Variants in CRK observed in about 807,000 individuals in gnomAD.
The protein encoded by CRK is CRK proto-oncogene, adaptor protein.
CRK carries 4 observed loss-of-function variants against 29.8 expected under a neutral mutation model. The observed-to-expected ratio is 0.13, with a 90% CI of 0.07 to 0.31. The LOEUF (loss-of-function observed/expected upper bound fraction) is 0.31, where lower values mean the gene tolerates loss of function less well. Ranked by LOEUF, CRK falls within the 10% of genes least tolerant of loss-of-function variation. The pLI is 1.00. For synonymous variants in CRK, 153 were observed against 164.9 expected, an observed-to-expected ratio of 0.93 and a Z score of 0.55; for missense variants, 274 against 396.5, an observed-to-expected ratio of 0.69 and a Z score of 2.62.
At chr17:1,455,082 C>A (rs1233856009) in intron 1 of CRK, among the ~76,000 whole-genome samples, 2 of 152,124 alleles carry the variant, frequency 1.3e-5, no homozygotes, top group African/African-American at 4.8e-5. Context: ...GGGTCTGTTT[C>A]CATTGCCTCA....
intron 2 of CRK, chr17:1,426,318 G>A (rs112709607): frequency 0.017 from 2,543 of 152,604 alleles, 73 homozygotes; most frequent in African/African-American, 0.058. Flanking sequence ...AAGTGTGGAG[G>A]AAGGGGAGGA....
At chr17:1,449,555 T>C (rs1032046867) in intron 1 of CRK, among the ~76,000 whole-genome samples, 4 of 152,102 alleles carry the variant, frequency 2.6e-5, no homozygotes, top group African/African-American at 9.7e-5. Flanking sequence ...TTGCCCAAAG[T>C]TACACAAGCA....
At chr17:1,455,381 C>T (rs1024501180) in intron 1 of CRK, among the ~76,000 whole-genome samples, 2 of 152,178 alleles carry the variant, frequency 1.3e-5, no homozygotes, top group African/African-American at 4.8e-5. Flanking sequence ...GTCTCCATCC[C>T]TCCCGGCCAG....
rs745373872 is a variant in CRK at position 1,446,328 on chromosome 17, A to G, written c.242-9173T>C. On this transcript the variant is annotated intron_variant, in intron 1 of 2. Transcript: ENST00000300574. ...GAGATACAACAGAATCGCCATGAGC[A>G]ACTACGACCATCTGTGAACACTTCC... is the stretch of plus-strand genomic sequence containing the variant. 4.1e-4 allele frequency among the ~76,000 whole-genome samples: 62 copies of G among 152,144 alleles called. 1 individual carries two copies. The highest frequency in any genetic ancestry group is 2.8e-4 in the Non-Finnish European group (19 of 68,028).
intron 2 of CRK, among the ~76,000 whole-genome samples, chr17:1,432,982 G>C (rs2073858150): frequency 6.6e-6 from 1 of 152,134 alleles, no homozygotes. Context: ...GTATCATGGA[G>C]TCATTCATAA....
chr17:1,435,013 CATG>C (rs948530226), intron 2 of CRK, among the ~76,000 whole-genome samples: 15 of 152,122 alleles, frequency 9.9e-5, no homozygotes, highest in African/African-American at 2.9e-4. Flanking sequence ...GCAAAATTCA[CATG>C]ATAACTGGTT....
Position 1,455,878 on chromosome 17 carries a change from G to C in CRK, c.240C>G (p.Pro80=). ...PVPPSPAQPP[P]GVSPSRLRIG... is the part of the protein sequence containing the mutation. ...CCCGCCGTCCCGTCAGTCCCTCACC[G>C]GGCGGAGGCTGGGCGGGCGACGGTG... Residue 80 remains proline, a splice_region_variant and synonymous_variant, in exon 1 of 3, where the codon CCC becomes CCG. Transcript: ENST00000300574. 1 of 1,581,152 alleles carries C rather than the reference G, an allele frequency of 6.3e-7. No individual in the cohort carries two copies. Among genetic ancestry groups the C allele is most frequent in the South Asian group, 1.1e-5 (1 of 87,920 alleles).
intron 1 of CRK, among the ~76,000 whole-genome samples, chr17:1,447,742 G>A (rs1216696693): frequency 3.3e-5 from 5 of 150,490 alleles, no homozygotes; most frequent in African/African-American, 9.8e-5. Context: ...TTAGCCTCTC[G>A]AGTAGCTGGG....
At chr17:1,430,797 G>A (rs545166159) in intron 2 of CRK, among the ~76,000 whole-genome samples, 4 of 152,050 alleles carry the variant, frequency 2.6e-5, no homozygotes, top group Admixed American at 1.3e-4. Context: ...GCCGGGCGCT[G>A]TGGCTCATGC....
chr17:1,448,587 C>T (rs1288498268), intron 1 of CRK, among the ~76,000 whole-genome samples: 2 of 136,250 alleles, frequency 1.5e-5, no homozygotes, highest in Admixed American at 7.9e-5. Context: ...TATGCCATTG[C>T]ACTCCAGCCT....
chr17:1,454,236 T>A (rs1002224823), intron 1 of CRK, among the ~76,000 whole-genome samples: 28 of 150,276 alleles, frequency 1.9e-4, no homozygotes, highest in African/African-American at 6.4e-4. Context: ...ATAAGAAAAA[T>A]TTTAAAAAAA....
chr17:1,456,205 G>C lies in CRK; in HGVS notation c.-88C>G. The C allele has an allele frequency of 5.2e-6, 7 of 1,340,872 alleles. No homozygotes were observed. Among genetic ancestry groups the C allele is most frequent in the East Asian group, 3.2e-5 (1 of 31,500 alleles). The allele number at this position is 1,340,872 out of a possible 1,614,324, so 83.1% of individuals were successfully genotyped here. On this transcript the variant is annotated 5_prime_UTR_variant, in exon 1 of 3. Transcript: ENST00000300574. ...CCCGCCGCCCAGCGGACCGGCTCCG[G>C]TTTCAGCTTCACAGCAGCGCCCGAA...
chr17:1,442,111 C>T (rs2073939878), intron 1 of CRK, among the ~76,000 whole-genome samples: 1 of 151,348 alleles, frequency 6.6e-6, no homozygotes, highest in Non-Finnish European at 1.5e-5. Flanking sequence ...CTTGCCTCTG[C>T]CTCCGAAAGT....
rs750275222 is a variant in CRK at position 1,456,168 on chromosome 17, C to G, written c.-51G>C. On this transcript the variant is annotated 5_prime_UTR_variant, in exon 1 of 3. Transcript: ENST00000300574. ...GGTGCCGCCGCCGCGCGCGCCCCTC[C>G]GGCCCCCGGCGCCCGCCGCCCAGCG... 3.6e-6 allele frequency: 5 copies of G among 1,392,076 alleles called. No individual in the cohort carries two copies. The South Asian group carries it at 8.4e-5, about 23-fold the overall frequency. The allele number at this position is 1,392,076 out of a possible 1,614,324, so 86.2% of individuals were successfully genotyped here.
chr17:1,443,999 C>T (rs1166700826), intron 1 of CRK, among the ~76,000 whole-genome samples: 1 of 151,770 alleles, frequency 6.6e-6, no homozygotes, highest in South Asian at 2.1e-4. Context: ...CCCGCCTGGC[C>T]TATTTTTTTT....
In CRK at chr17:1,436,640, T is replaced by G. The variant is rs752999684; in HGVS notation, c.757A>C (p.Lys253Gln). 2 of 1,607,168 alleles carry G rather than the reference T, an allele frequency of 1.2e-6. No individual in the cohort carries two copies. Among genetic ancestry groups the G allele is most frequent in the East Asian group, 2.2e-5 (1 of 44,832 alleles). The change falls in exon 2 of 3, where the codon AAG (lysine) becomes CAG (glutamine). Residue 253 changes from lysine to glutamine, a missense_variant. This residue lies in a region of CRK where 121 missense variants were observed against 154.3 expected (regional missense o/e 0.78). Transcript: ENST00000300574. ...TGTACCTCCAAAGCCAAGGCTGTCT[T>G]GTCGTAGGCATTGGGGACTCGCTTC... ...IQKRVPNAYDKTALALEVGEL... is the reference protein window; with the variant it reads ...IQKRVPNAYDQTALALEVGEL...
At chr17:1,433,509 C>CT (rs60236552) in intron 2 of CRK, among the ~76,000 whole-genome samples, 17,605 of 57,982 alleles carry the variant, frequency 0.3, 5,725 homozygotes, top group Non-Finnish European at 0.42. Context: ...CCACGCCTGG[C>CT]TTTTTTTTTT....
rs367977278 is a variant in CRK at position 1,444,931 on chromosome 17, G to A, written c.242-7776C>T. Among the ~76,000 whole-genome samples, 84 of 151,846 alleles carry A rather than the reference G, an allele frequency of 5.5e-4. 1 individual carries two copies. In the South Asian group the frequency reaches 0.015, roughly 27 times the overall value. ...TGGGAGGCCGAGGCAGGCGGATCAC[G>A]AGGTCAGGAGATCCAGACCACCCTG... On this transcript the variant is annotated intron_variant, in intron 1 of 2. Coordinates refer to ENST00000300574, the MANE Select transcript of CRK (RefSeq NM_016823.4).
chr17:1,436,731 G>T lies in CRK; in HGVS notation c.666C>A (p.Ala222=). 6.2e-7 allele frequency: 1 copy of T among 1,604,454 alleles called. No individual in the cohort carries two copies. Among genetic ancestry groups the T allele is most frequent in the South Asian group, 1.1e-5 (1 of 89,590 alleles). Residue 222 remains alanine (A), a synonymous_variant, in exon 2 of 3, where the codon GCC becomes GCA. Coordinates refer to ENST00000300574, the MANE Select transcript of CRK (RefSeq NM_016823.4). ...PLGGPEPGPY[A]QPSVNTPLPN... Reference sequence around the variant, plus strand: ...GGAGCGGAGTGTTGACGCTGGGTTGGGCATAGGGCCCAGGCTCCGGCCCAC... The same window carrying T: ...GGAGCGGAGTGTTGACGCTGGGTTGTGCATAGGGCCCAGGCTCCGGCCCAC...
Sources: gnomAD v4.1 joint callset for allele counts (sites outside exome capture counted in the v4.1 genomes callset) on GRCh38, gnomAD v4.1.1 for gene constraint, gnomAD v4.1.1 regional missense constraint, MANE v1.5 for transcripts, NCBI Gene and HGNC (gene_info 2026-07-23, HGNC 2026-07-21) for gene names.